The following AKAP19 variants were observed in gnomAD, a reference collection of about 807,000 sequenced individuals.
The protein encoded by AKAP19 is small A-kinase anchoring protein.
the AKAP19 span, among the ~76,000 whole-genome samples, chr2:190,148,705 G>A: frequency 6.6e-6 from 1 of 152,054 alleles, no homozygotes; most frequent in Non-Finnish European, 1.5e-5. Context: ...TCTGTTCAGG[G>A]TATCTAATTC....
the AKAP19 span, among the ~76,000 whole-genome samples, chr2:190,145,801 GTAT>G: frequency 6.6e-6 from 1 of 150,500 alleles, no homozygotes; most frequent in African/African-American, 2.4e-5. Flanking sequence ...TTCTCTCTCT[GTAT>G]ATATAGTGGG....
the AKAP19 span, among the ~76,000 whole-genome samples, chr2:189,913,911 T>C: frequency 6.6e-6 from 1 of 152,044 alleles, no homozygotes. Context: ...CAAATTAATA[T>C]GAAAAAAGCC....
chr2:189,946,290 A>G, the AKAP19 span, among the ~76,000 whole-genome samples: 1 of 152,212 alleles, frequency 6.6e-6, no homozygotes, highest in Non-Finnish European at 1.5e-5. Context: ...ATATGAATCT[A>G]TCTCTTAGGT....
the AKAP19 span, among the ~76,000 whole-genome samples, chr2:190,008,801 G>A: frequency 6.6e-6 from 1 of 151,678 alleles, no homozygotes; most frequent in Admixed American, 6.6e-5. Flanking sequence ...TTACATTATG[G>A]GGTGTAAGTA....
At chr2:189,947,141 T>C in the AKAP19 span, among the ~76,000 whole-genome samples, 1 of 152,242 alleles carries the variant, frequency 6.6e-6, no homozygotes, top group South Asian at 2.1e-4. Context: ...TTTTCTTTTA[T>C]TCCTAAAAGT....
At chr2:190,013,088 C>A in the AKAP19 span, among the ~76,000 whole-genome samples, 1 of 152,082 alleles carries the variant, frequency 6.6e-6, no homozygotes, top group Admixed American at 6.6e-5. Context: ...CTTCTAGTAT[C>A]CTTGTCTGAC....
chr2:190,057,488 C>T, the AKAP19 span: 4 of 1,613,400 alleles, frequency 2.5e-6, no homozygotes, highest in Admixed American at 1.7e-5. Context: ...CTTTTAGGAG[C>T]GATAATCCAA....
At chr2:190,030,363 A>G in the AKAP19 span, among the ~76,000 whole-genome samples, 2 of 152,186 alleles carry the variant, frequency 1.3e-5, no homozygotes, top group Admixed American at 1.3e-4. Flanking sequence ...GCACACATAC[A>G]CTACTTTCCA....
the AKAP19 span, among the ~76,000 whole-genome samples, chr2:190,132,835 A>G: frequency 3.3e-5 from 5 of 152,338 alleles, no homozygotes; most frequent in South Asian, 4.1e-4. Context: ...TAATCAACAG[A>G]GTGAAAAGAC....
At chr2:190,196,912 C>A in the AKAP19 span, among the ~76,000 whole-genome samples, 1 of 152,050 alleles carries the variant, frequency 6.6e-6, no homozygotes, top group Non-Finnish European at 1.5e-5. Context: ...ATTTAGAAGA[C>A]TGGGTGTTTA....
At chr2:189,977,559 A>G in the AKAP19 span, among the ~76,000 whole-genome samples, 7 of 152,232 alleles carry the variant, frequency 4.6e-5, 1 homozygote, top group South Asian at 4.1e-4. Flanking sequence ...TGATATGCCT[A>G]TTAGGCACCC....
the AKAP19 span, chr2:190,203,121 TG>T: frequency 6.0e-6 from 1 of 167,062 alleles, no homozygotes; most frequent in African/African-American, 2.4e-5. Context: ...TCAGTATCAT[TG>T]GCCTTTTATC....
At chr2:190,008,134 C>T in the AKAP19 span, among the ~76,000 whole-genome samples, 1 of 152,156 alleles carries the variant, frequency 6.6e-6, no homozygotes, top group Admixed American at 6.5e-5. Flanking sequence ...TAAAATGTAA[C>T]TGAAATATCT....
chr2:190,107,253 A>C, the AKAP19 span, among the ~76,000 whole-genome samples: 1 of 152,222 alleles, frequency 6.6e-6, no homozygotes, highest in African/African-American at 2.4e-5. Context: ...GAAGCCACCA[A>C]CTTTCTCTCA....
At chr2:190,038,935 T>TTCTTCTTCTTCTTCTTCTTCC in the AKAP19 span, among the ~76,000 whole-genome samples, 25 of 141,664 alleles carry the variant, frequency 1.8e-4, no homozygotes, top group African/African-American at 3.4e-4. Context: ...CTTCTTCTTC[T>TTCTTCTTCTTCTTCTTCTTCC]TCTTCTTCTT....
the AKAP19 span, among the ~76,000 whole-genome samples, chr2:190,145,426 G>A: frequency 0.92 from 139,916 of 152,284 alleles, 65,021 homozygotes; most frequent in East Asian, 1. Context: ...AAAAATTGCA[G>A]TTGATTTTAC....
chr2:189,909,751 CTTAAT>C, the AKAP19 span, among the ~76,000 whole-genome samples: 3 of 151,856 alleles, frequency 2.0e-5, no homozygotes, highest in African/African-American at 4.8e-5. Context: ...TTTAAGATTT[CTTAAT>C]TTTATTAGGC....
the AKAP19 span, chr2:190,200,408 C>G: frequency 2.7e-6 from 1 of 369,398 alleles, no homozygotes; most frequent in Admixed American, 4.1e-5. Flanking sequence ...AGCTGAATGT[C>G]ACAGCACTTC....
the AKAP19 span, among the ~76,000 whole-genome samples, chr2:190,149,835 T>G: frequency 2.0e-5 from 3 of 152,214 alleles, no homozygotes; most frequent in African/African-American, 7.2e-5. Flanking sequence ...TTATGTCCAT[T>G]TGTTCCAAGG....
Sources: allele counts gnomAD v4.1 joint callset (sites outside exome capture counted in the v4.1 genomes callset), GRCh38; gene constraint gnomAD v4.1.1; transcripts MANE v1.5; gene names NCBI Gene and HGNC (gene_info 2026-07-23, HGNC 2026-07-21).